ZNF672: variants seen among roughly 807,000 people sequenced by gnomAD.
The protein encoded by ZNF672 is zinc finger protein 672.
For synonymous variants in ZNF672, 358 were observed against 305.6 expected (o/e 1.17, Z -1.79); for missense variants, 733 against 701.1 (o/e 1.05, Z -0.51).
chr1:248,845,866 A>G (rs1017444395), intron 3 of ZNF672, among the ~76,000 whole-genome samples: 15 of 152,166 alleles, frequency 9.9e-5, no homozygotes, highest in Non-Finnish European at 1.9e-4. Flanking sequence ...CCTAATCTCC[A>G]GTAAGGCTGG....
intron 2 of ZNF672, among the ~76,000 whole-genome samples, chr1:248,844,989 G>C (rs1397482236): frequency 1.3e-5 from 2 of 152,260 alleles, no homozygotes; most frequent in East Asian, 3.8e-4. Flanking sequence ...CAGCCTGGGC[G>C]TGATGGCTCA....
In ZNF672 at chr1:248,847,112, C is replaced by G. The variant is rs867977782; in HGVS notation, c.-163C>G. 16 of 946,198 alleles carry G rather than the reference C, an allele frequency of 1.7e-5. No homozygotes were observed. Among genetic ancestry groups the G allele is most frequent in the Non-Finnish European group, 2.2e-5 (14 of 650,240 alleles). 58.6% of individuals were successfully genotyped at this position (946,198 alleles called of 1,614,324 possible). ...CCTGGAACAGCCACAATGTCTGCCC[C>G]TTAGAGAAGAACCCTGAAATCAGAC... On this transcript the variant is annotated 5_prime_UTR_variant, in exon 4 of 4. Transcript: ENST00000306562.
intron 3 of ZNF672, among the ~76,000 whole-genome samples, chr1:248,846,128 T>C (rs1399986645): frequency 6.6e-6 from 1 of 152,234 alleles, no homozygotes; most frequent in Admixed American, 6.5e-5. Flanking sequence ...CTCAGATTCC[T>C]GTGGCTGAGA....
chr1:248,841,052 C>T (rs1439195066), intron 1 of ZNF672, among the ~76,000 whole-genome samples: 454 of 97,872 alleles, frequency 4.6e-3, no homozygotes, highest in South Asian at 8.4e-3. Flanking sequence ...GTGCAGTGGG[C>T]AGTGCTGTGG....
chr1:248,847,574 C>CTGCCGCACATGCGGCCGGCGCT lies in ZNF672; in HGVS notation c.302_323dup (p.Phe108LeufsTer57). 1 of 1,573,688 alleles carries CTGCCGCACATGCGGCCGGCGCT rather than the reference C, an allele frequency of 6.4e-7. No individual in the cohort carries two copies. The highest frequency in any genetic ancestry group is 2.4e-5 in the East Asian group (1 of 42,444). On this transcript the variant is annotated frameshift_variant, in exon 4 of 4. Transcript: ENST00000306562. LOFTEE classifies it low-confidence loss of function (END_TRUNC). ...ACCGGCAGCGATGCCGCACTTGCCC[C>CTGCCGCACATGCGGCCGGCGCT]TGCCGCACATGCGGCCGGCGCTTCC...
In ZNF672 at chr1:248,847,274, C is replaced by A. The variant is rs1257672822; in HGVS notation, c.-1C>A. Reference sequence around the variant, plus strand: ...CGCTTCCCTGTGAACCCGTCCTCACCATGTTTGCCACATCTGGGGCAGTGG... The same window carrying A: ...CGCTTCCCTGTGAACCCGTCCTCACAATGTTTGCCACATCTGGGGCAGTGG... On this transcript the variant is annotated 5_prime_UTR_variant, in exon 4 of 4. Transcript: ENST00000306562. 1.9e-6 allele frequency: 3 copies of A among 1,597,474 alleles called. No individual in the cohort carries two copies. Among genetic ancestry groups the A allele is most frequent in the Non-Finnish European group, 2.6e-6 (3 of 1,166,068 alleles).
Position 248,848,408 on chromosome 1 carries a change from C to T in ZNF672, c.1134C>T (p.Val378=). The change falls in exon 4 of 4, where the codon GTC becomes GTT. Residue 378 remains valine (V), a synonymous_variant. Transcript: ENST00000306562. ...KCPECSKAFS[V]ASKLALHRKT... is the part of the protein sequence containing the mutation. ...CCGAGTGCAGCAAGGCCTTCAGCGT[C>T]GCCTCCAAGCTTGCACTGCACCGCA... 9 of 1,605,336 alleles carry T rather than the reference C, an allele frequency of 5.6e-6. No homozygotes were observed. Among genetic ancestry groups the T allele is most frequent in the Non-Finnish European group, 7.6e-6 (9 of 1,179,804 alleles).
intron 1 of ZNF672, among the ~76,000 whole-genome samples, chr1:248,842,326 A>G (rs1490485795): frequency 2.0e-5 from 3 of 152,206 alleles, no homozygotes; most frequent in Non-Finnish European, 4.4e-5. Flanking sequence ...ATCCAGATAC[A>G]TTCTTTTGAA....
rs58551648 is a variant in ZNF672, at chr1:248,847,406, C to T, written c.132C>T (p.Cys44=). ...ACGGCGGTGACGGCCGCTTCCGTTG[C>T]CTAGAATGCGGTGAGCGCTGTGCAC... ...RAHGGDGRFR[C]LECGERCARA... The change falls in exon 4 of 4, where the codon TGC becomes TGT. Residue 44 remains cysteine (C), a synonymous_variant. Coordinates refer to ENST00000306562, the MANE Select transcript of ZNF672 (RefSeq NM_024836.3). 2.0e-3 allele frequency: 3,138 copies of T among 1,598,040 alleles called. 58 individuals are homozygous for T. The African/African-American group carries it at 0.037, about 19-fold the overall frequency.
rs1478713320 is a variant in ZNF672 at position 248,849,365 on chromosome 1, G to A, written c.*732G>A. The stretch of plus-strand genomic sequence containing the variant: ...TCACTGGGACCCAGGCCAAAACCAT[G>A]TGGGTGCACAAAGCCAGGCACTGCC... On this transcript the variant is annotated 3_prime_UTR_variant, in exon 4 of 4. Coordinates refer to ENST00000306562, the MANE Select transcript of ZNF672 (RefSeq NM_024836.3). The A allele has an allele frequency of 5.8e-6, 2 of 345,054 alleles. No homozygotes were observed. Among genetic ancestry groups the A allele is most frequent in the Non-Finnish European group, 1.2e-5 (2 of 168,798 alleles). 21.4% of individuals were successfully genotyped at this position (345,054 alleles called of 1,614,324 possible).
chr1:248,848,824 C>A lies in ZNF672; in HGVS notation c.*191C>A. On this transcript the variant is annotated 3_prime_UTR_variant, in exon 4 of 4. Transcript: ENST00000306562. ...CCTCTACACCTACTACCCTGTCGGC[C>A]CTTTTGCCATGCTGTCCTCGTATAA... is the stretch of plus-strand genomic sequence containing the variant. 2 of 863,692 alleles carry A rather than the reference C, an allele frequency of 2.3e-6. No homozygotes were observed. Among genetic ancestry groups the A allele is most frequent in the Non-Finnish European group, 3.8e-6 (2 of 520,294 alleles). 53.5% of individuals were successfully genotyped at this position (863,692 alleles called of 1,614,324 possible). A position where few individuals can be genotyped will look rare whatever the true frequency, so the allele number is the denominator to read the frequency against.
chr1:248,843,513 A>G (rs574348191), intron 1 of ZNF672, among the ~76,000 whole-genome samples: 21 of 152,322 alleles, frequency 1.4e-4, no homozygotes, highest in Admixed American at 1.3e-3. Context: ...AAGGTCAGAC[A>G]GGGTCAGTGA....
At chr1:248,844,858 G>C (rs896371855) in intron 2 of ZNF672, among the ~76,000 whole-genome samples, 1 of 152,346 alleles carries the variant, frequency 6.6e-6, no homozygotes, top group East Asian at 1.9e-4. Context: ...TGAGTCTCCA[G>C]GAAGTTTTTA....
At chr1:248,843,456 T>C (rs1664709301) in intron 1 of ZNF672, among the ~76,000 whole-genome samples, 1 of 152,098 alleles carries the variant, frequency 6.6e-6, no homozygotes, top group Non-Finnish European at 1.5e-5. Flanking sequence ...AACTAGGGCC[T>C]TGGAAAATGA....
At position 248,848,950 on chromosome 1, in the gene ZNF672, GT is replaced by G. The variant is rs1659277828; in HGVS notation, c.*318del. On this transcript the variant is annotated 3_prime_UTR_variant, in exon 4 of 4. Transcript: ENST00000306562. ...GTTGGTGTGTCCCTTTAATGCTACTGTGCTCTCTGGTGTTTCTGATTTTCCT... is the reference window on the plus strand; with the variant it reads ...GTTGGTGTGTCCCTTTAATGCTACTGGCTCTCTGGTGTTTCTGATTTTCCT... The G allele has an allele frequency of 1.6e-6, 1 of 629,788 alleles. No homozygotes were observed. The allele number at this position is 629,788 out of a possible 1,614,324, so 39.0% of individuals were successfully genotyped here. A position where few individuals can be genotyped will look rare whatever the true frequency, so the allele number is the denominator to read the frequency against.
Position 248,848,938 on chromosome 1 carries a change from T to A in ZNF672, c.*305T>A, listed in dbSNP as rs529294313. ...AAGAGCCCAGGTGTTGGTGTGTCCCTTTAATGCTACTGTGCTCTCTGGTGT... is the reference window on the plus strand; with the variant it reads ...AAGAGCCCAGGTGTTGGTGTGTCCCATTAATGCTACTGTGCTCTCTGGTGT... On this transcript the variant is annotated 3_prime_UTR_variant, in exon 4 of 4. Coordinates refer to ENST00000306562, the MANE Select transcript of ZNF672 (RefSeq NM_024836.3). 15 of 655,090 alleles carry A rather than the reference T, an allele frequency of 2.3e-5. No individual in the cohort carries two copies. Among genetic ancestry groups the A allele is most frequent in the South Asian group, 2.3e-4 (15 of 66,208 alleles). The allele number at this position is 655,090 out of a possible 1,614,324, so 40.6% of individuals were successfully genotyped here.
chr1:248,846,963 A>C, intron 3 of ZNF672, 89 bp from the exon 4 acceptor site: 4 of 308,578 alleles, frequency 1.3e-5, no homozygotes, highest in Non-Finnish European at 2.4e-5. Flanking sequence ...TGGACTACCT[A>C]AAGAAGTTAT....
Position 248,848,714 on chromosome 1 carries a change from C to G in ZNF672, c.*81C>G. Reference sequence around the variant, plus strand: ...TATCACGGGGACAGTTGAGGCAACTCGTAGATGGAGATTTGGGAAAAGACG... The same window carrying G: ...TATCACGGGGACAGTTGAGGCAACTGGTAGATGGAGATTTGGGAAAAGACG... On this transcript the variant is annotated 3_prime_UTR_variant, in exon 4 of 4. Coordinates refer to ENST00000306562, the MANE Select transcript of ZNF672 (RefSeq NM_024836.3). 1.4e-6 allele frequency: 2 copies of G among 1,480,080 alleles called. No homozygotes were observed. The highest frequency in any genetic ancestry group is 9.0e-7 in the Non-Finnish European group (1 of 1,113,924). The allele number at this position is 1,480,080 out of a possible 1,614,324, so 91.7% of individuals were successfully genotyped here.
rs1335709553 is a variant in ZNF672 at position 248,847,348 on chromosome 1, A to G, written c.74A>G (p.Tyr25Cys). ...SCSECGKSFC[Y>C]SSVLLRHERA... ...AGCGAATGTGGCAAGAGCTTCTGCT[A>G]CAGCTCAGTGCTGCTGCGACATGAA... Residue 25 changes from tyrosine (Y) to cysteine (C), a missense_variant, in exon 4 of 4, where the codon TAC (tyrosine) becomes TGC (cysteine). Physicochemically the swap from Tyr to Cys is radical, Grantham distance 194 (BLOSUM62 -2). Transcript: ENST00000306562. The G allele has an allele frequency of 6.2e-7, 1 of 1,612,886 alleles. No homozygotes were observed. Among genetic ancestry groups the G allele is most frequent in the African/African-American group, 1.3e-5 (1 of 74,936 alleles).
Sources: allele counts gnomAD v4.1 joint callset (sites outside exome capture counted in the v4.1 genomes callset), GRCh38; gene constraint gnomAD v4.1.1; transcripts MANE v1.5; gene names NCBI Gene and HGNC (gene_info 2026-07-23, HGNC 2026-07-21).